The following MMS22L variants were observed in gnomAD, a reference collection of about 807,000 sequenced individuals.
The protein encoded by MMS22L is MMS22 like, DNA repair protein, also known as protein MMS22-like.
A neutral mutation model predicts 159.1 loss-of-function variants in MMS22L; 74 were observed. The observed-to-expected ratio is 0.47, with a 90% confidence interval of 0.39 to 0.56. MMS22L has a LOEUF of 0.56. Ranked by LOEUF, MMS22L falls within the 20% of genes least tolerant of loss-of-function variation. MMS22L has a pLI of 0.00. For missense variants in MMS22L, 1,351 were observed against 1,422.1 expected, an observed-to-expected ratio of 0.95 and a Z score of 0.80; for synonymous variants, 517 against 506.9, an observed-to-expected ratio of 1.02 and a Z score of -0.27.
At chr6:97,228,242 G>A (rs1810459548) in intron 14 of MMS22L, among the ~76,000 whole-genome samples, 1 of 152,154 alleles carries the variant, frequency 6.6e-6, no homozygotes, top group Admixed American at 6.5e-5. Flanking sequence ...AGGTAGCAGG[G>A]GAAGGAAGGG....
chr6:97,159,687 T>C (rs537658346), intron 22 of MMS22L, among the ~76,000 whole-genome samples: 4 of 151,934 alleles, frequency 2.6e-5, no homozygotes, highest in Non-Finnish European at 5.9e-5. Flanking sequence ...AGTGGAAAAT[T>C]CCACACCTGA....
At chr6:97,188,834 C>T (rs568084963) in intron 14 of MMS22L, among the ~76,000 whole-genome samples, 2 of 152,002 alleles carry the variant, frequency 1.3e-5, no homozygotes. Context: ...TGATGGTACA[C>T]GCTTGTAATC....
upstream of MMS22L, chr6:97,283,376 A>T (rs1395119625): frequency 6.8e-6 from 1 of 146,826 alleles, no homozygotes; most frequent in Non-Finnish European, 1.5e-5. Context: ...TTCGGCTGAA[A>T]GGCGGGGCCT....
intron 16 of MMS22L, among the ~76,000 whole-genome samples, chr6:97,180,900 A>G (rs1804640141): frequency 6.6e-6 from 1 of 152,172 alleles, no homozygotes; most frequent in South Asian, 2.1e-4. Flanking sequence ...TAGCTCACCA[A>G]CTACATCTCT....
intron 14 of MMS22L, among the ~76,000 whole-genome samples, chr6:97,213,037 C>T (rs1313692376): frequency 6.6e-6 from 1 of 152,052 alleles, no homozygotes; most frequent in Non-Finnish European, 1.5e-5. Context: ...AGTGCATGAG[C>T]ACATTGTGTG....
chr6:97,180,668 G>A (rs1054514371), intron 16 of MMS22L, among the ~76,000 whole-genome samples: 3 of 151,988 alleles, frequency 2.0e-5, no homozygotes, highest in South Asian at 2.1e-4. Flanking sequence ...TTACTAATAC[G>A]CTAACAATAT....
chr6:97,233,696 C>T (rs189966328), intron 12 of MMS22L, among the ~76,000 whole-genome samples, 165 bp downstream of exon 12: 2 of 152,172 alleles, frequency 1.3e-5, no homozygotes, highest in East Asian at 1.9e-4. Flanking sequence ...CAAAGCTCTA[C>T]AATGTTAAAG....
intron 14 of MMS22L, among the ~76,000 whole-genome samples, chr6:97,202,457 G>A (rs1807280630): frequency 6.6e-6 from 1 of 152,158 alleles, no homozygotes; most frequent in South Asian, 2.1e-4. Flanking sequence ...CTAGCATTAT[G>A]GGAGGGATCC....
At chr6:97,195,852 T>A (rs1026026079) in intron 14 of MMS22L, among the ~76,000 whole-genome samples, 7 of 152,320 alleles carry the variant, frequency 4.6e-5, no homozygotes, top group African/African-American at 9.6e-5. Context: ...TAAGAGCTAA[T>A]GTGCATTTTC....
At chr6:97,163,325 C>T (rs1430271036) in intron 21 of MMS22L, among the ~76,000 whole-genome samples, 2 of 151,824 alleles carry the variant, frequency 1.3e-5, no homozygotes, top group African/African-American at 2.4e-5. Context: ...CAAAGATAAG[C>T]ACAGAATTCT....
chr6:97,172,058 C>T (rs1466327374), intron 19 of MMS22L, among the ~76,000 whole-genome samples: 2 of 152,076 alleles, frequency 1.3e-5, no homozygotes, highest in East Asian at 1.9e-4. Flanking sequence ...AGAATTTTGT[C>T]CCATGTCTAT....
chr6:97,272,205 G>C (rs1298594439), intron 6 of MMS22L: 1 of 151,918 alleles, frequency 6.6e-6, no homozygotes, highest in African/African-American at 2.4e-5. Flanking sequence ...GATTATCACA[G>C]GTAGGAAAAA....
chr6:97,191,440 C>T (rs537710616), intron 14 of MMS22L, among the ~76,000 whole-genome samples: 1 of 152,200 alleles, frequency 6.6e-6, no homozygotes, highest in Admixed American at 6.5e-5. Flanking sequence ...ATACATGATG[C>T]CTCAAAGTTT....
chr6:97,210,846 A>G (rs1218146604), intron 14 of MMS22L, among the ~76,000 whole-genome samples: 1 of 151,976 alleles, frequency 6.6e-6, no homozygotes, highest in Non-Finnish European at 1.5e-5. Context: ...TAATATATGT[A>G]ATTTCTTATA....
At chr6:97,232,702 A>T (rs1233883992) in intron 12 of MMS22L, among the ~76,000 whole-genome samples, 1 of 152,086 alleles carries the variant, frequency 6.6e-6, no homozygotes, top group Non-Finnish European at 1.5e-5. Context: ...TCAAGACTAC[A>T]ATCAGTCATT....
At chr6:97,154,880 A>G (rs951188988) in intron 22 of MMS22L, among the ~76,000 whole-genome samples, 7 of 152,178 alleles carry the variant, frequency 4.6e-5, no homozygotes, top group Non-Finnish European at 1.0e-4. Flanking sequence ...TTTTGAAATC[A>G]AGAAGTATGC....
chr6:97,163,591 G>A (rs1185511803), intron 21 of MMS22L, among the ~76,000 whole-genome samples: 1 of 152,026 alleles, frequency 6.6e-6, no homozygotes, highest in Non-Finnish European at 1.5e-5. Flanking sequence ...CTGTCATTTA[G>A]TTTGTACTAT....
intron 24 of MMS22L, among the ~76,000 whole-genome samples, chr6:97,147,509 C>G (rs1800975925): frequency 1.3e-5 from 2 of 152,170 alleles, no homozygotes; most frequent in African/African-American, 4.8e-5. Flanking sequence ...TGCATAACCA[C>G]ACAAGGTAGT....
At chr6:97,281,466 T>C in intron 2 of MMS22L, 104 bp from the exon 3 acceptor site, 2 of 961,110 alleles carry the variant, frequency 2.1e-6, no homozygotes, top group Non-Finnish European at 3.0e-6. Flanking sequence ...ATGACATGTA[T>C]AAAAAGTCAG....
Sources: gnomAD v4.1 joint callset for allele counts (sites outside exome capture counted in the v4.1 genomes callset) on GRCh38, gnomAD v4.1.1 for gene constraint, MANE v1.5 for transcripts, NCBI Gene and HGNC (gene_info 2026-07-23, HGNC 2026-07-21) for gene names.